ANKH: variants seen among roughly 807,000 people sequenced by gnomAD.
The protein encoded by ANKH is ANKH inorganic pyrophosphate transport regulator.
Under a neutral mutation model 49.0 loss-of-function variants are expected in ANKH, and 15 were observed. That is an observed-to-expected ratio of 0.31 (90% CI 0.20 to 0.47). ANKH has a LOEUF of 0.47. ANKH is among the 20% of genes least tolerant of loss of function. The pLI is 1.00. For synonymous variants in ANKH, 273 were observed against 260.0 expected, an observed-to-expected ratio of 1.05 and a Z score of -0.48; for missense variants, 429 against 652.0, an observed-to-expected ratio of 0.66 and a Z score of 3.72.
chr5:14,774,687 A>T (rs537987340), intron 1 of ANKH, among the ~76,000 whole-genome samples: 1 of 152,104 alleles, frequency 6.6e-6, no homozygotes, highest in East Asian at 1.9e-4. Flanking sequence ...TCTTCATTGC[A>T]TGTTCACTTC....
intron 1 of ANKH, among the ~76,000 whole-genome samples, chr5:14,842,802 C>G (rs1396563686): frequency 6.6e-6 from 1 of 152,154 alleles, no homozygotes; most frequent in Non-Finnish European, 1.5e-5. Flanking sequence ...ACGAGCCATG[C>G]AGGAGCAATC....
chr5:14,710,912 CCGTGAGGCAGCTGTGTCTTTTGGGTTTT>C lies in ANKH; in HGVS notation c.*257_*284del, dbSNP rs1280690757. ...CCAGGGGAGGAGGACACAACGTCAA[CCGTGAGGCAGCTGTGTCTTTTGGGTTTT>C]CGTGAGGCAGGGGTATGAAGTCAGT... On this transcript the variant is annotated 3_prime_UTR_variant, in exon 12 of 12. Transcript: ENST00000284268. 13 of 417,180 alleles carry C rather than the reference CCGTGAGGCAGCTGTGTCTTTTGGGTTTT, an allele frequency of 3.1e-5. No homozygotes were observed. Among genetic ancestry groups the C allele is most frequent in the African/African-American group, 2.0e-4 (10 of 48,828 alleles). The allele number at this position is 417,180 out of a possible 1,614,324, so 25.8% of individuals were successfully genotyped here.
rs1185826200 is a variant in ANKH, at chr5:14,775,442, G to GTC, written c.97-6253_97-6252dup. ...CTGTAATAAAAGTTATGTCAATGTG[G>GTC]TCTCTCTCTCAAAATACTGCACAAT... On this transcript the variant is annotated intron_variant, in intron 1 of 11. Transcript: ENST00000284268. Among the ~76,000 whole-genome samples the GTC allele has an allele frequency of 3.3e-5, 5 of 152,066 alleles. No individual in the cohort carries two copies. The East Asian group carries it at 9.6e-4, about 29-fold the overall frequency.
At chr5:14,814,230 A>G (rs551896255) in intron 1 of ANKH, among the ~76,000 whole-genome samples, 19 of 152,342 alleles carry the variant, frequency 1.2e-4, no homozygotes, top group African/African-American at 4.1e-4. Flanking sequence ...TCTCCTCCAC[A>G]TAAACAACGT....
chr5:14,816,660 C>G (rs775191820), intron 1 of ANKH, among the ~76,000 whole-genome samples: 1 of 152,128 alleles, frequency 6.6e-6, no homozygotes, highest in Non-Finnish European at 1.5e-5. Flanking sequence ...GGGTTTCAGT[C>G]GACTTTCTTG....
rs755256665 is a variant in ANKH, at chr5:14,713,690, C to T, written c.1142-23G>A. ...TGACTGTTGGGAGGAGCAAAGGACT[C>T]GTCAGCCGTGCCCGCCATCCACTCC... On this transcript the variant is annotated intron_variant, in intron 9 of 11. Transcript: ENST00000284268. The surrounding 1 kb of genome is among the most constrained non-coding windows in gnomAD (Gnocchi z 4.4). 1.8e-5 allele frequency: 29 copies of T among 1,612,692 alleles called. No individual in the cohort carries two copies. The highest frequency in any genetic ancestry group is 1.2e-4 in the Admixed American group (7 of 59,994).
intron 9 of ANKH, among the ~76,000 whole-genome samples, chr5:14,716,365 T>C (rs868834621): frequency 1.3e-5 from 2 of 152,052 alleles, no homozygotes; most frequent in African/African-American, 4.8e-5. Flanking sequence ...TGGTGGTGGG[T>C]GCCTGTAGTC....
At chr5:14,712,575 C>G (rs1414631123) in intron 11 of ANKH, among the ~76,000 whole-genome samples, 3 of 152,244 alleles carry the variant, frequency 2.0e-5, no homozygotes, top group Non-Finnish European at 4.4e-5. Context: ...CCAAAGCAAG[C>G]CATAGGCTGA....
chr5:14,764,434 A>C lies in ANKH; in HGVS notation c.313+4541T>G, dbSNP rs114395118. 8.1e-3 allele frequency among the ~76,000 whole-genome samples: 1,239 copies of C among 152,324 alleles called. 22 individuals carry two copies. Among genetic ancestry groups the C allele is most frequent in the African/African-American group, 0.029 (1,187 of 41,580 alleles). On this transcript the variant is annotated intron_variant, in intron 2 of 11. Transcript: ENST00000284268. ...TGGAGGAGAGTTCAGCTGTCCCAAC[A>C]GAGGCCATCTAGGCTGGCCAGATGT...
chr5:14,853,134 G>A (rs1387099856), intron 1 of ANKH, among the ~76,000 whole-genome samples: 1 of 152,088 alleles, frequency 6.6e-6, no homozygotes, highest in Non-Finnish European at 1.5e-5. Flanking sequence ...GCCTTACAAT[G>A]CAATTAAACC....
At position 14,828,912 on chromosome 5, in the gene ANKH, T is replaced by C. The variant is rs1741424201; in HGVS notation, c.96+42440A>G. On this transcript the variant is annotated intron_variant, in intron 1 of 11. Coordinates refer to ENST00000284268, the MANE Select transcript of ANKH (RefSeq NM_054027.6). ...TCAGAAGAAGCAATTTCTGGCTGGCTGCAGTGGCTCACGCCTGTAATCCCA... is the reference window on the plus strand; with the variant it reads ...TCAGAAGAAGCAATTTCTGGCTGGCCGCAGTGGCTCACGCCTGTAATCCCA... Among the ~76,000 whole-genome samples, 5 of 152,218 alleles carry C rather than the reference T, an allele frequency of 3.3e-5. No homozygotes were observed. In the South Asian group the frequency reaches 1.0e-3, roughly 32 times the overall value.
intron 8 of ANKH, among the ~76,000 whole-genome samples, chr5:14,739,433 A>G (rs1580019842): frequency 6.6e-6 from 1 of 152,308 alleles, no homozygotes; most frequent in East Asian, 1.9e-4. Context: ...GAAAAAAAAG[A>G]GAAAAATCTC....
chr5:14,769,179 C>T lies in ANKH; in HGVS notation c.109G>A (p.Gly37Ser), dbSNP rs1739347672. 6.2e-7 allele frequency: 1 copy of T among 1,613,540 alleles called. No individual in the cohort carries two copies. The highest frequency in any genetic ancestry group is 8.5e-7 in the Non-Finnish European group (1 of 1,179,836). The change falls in exon 2 of 12, where the codon GGC becomes AGC. Residue 37 changes from glycine to serine, a missense_variant. By Grantham distance (56) the Gly-to-Ser change is moderately conservative (BLOSUM62 0). Transcript: ENST00000284268. ...IDFGEQALNR[G>S]IAAVKEDAVE... ...GCATCCTCCTTGACAGCAGCAATGC[C>T]CCGGTTCAAGGCCTGGGAAGGGGGA...
At chr5:14,760,006 G>A (rs1443325910) in intron 2 of ANKH, among the ~76,000 whole-genome samples, 1 of 152,154 alleles carries the variant, frequency 6.6e-6, no homozygotes, top group East Asian at 1.9e-4. Flanking sequence ...GTGGTTTCAA[G>A]GTGTGGGAAG....
chr5:14,797,536 G>C (rs917793656), intron 1 of ANKH: 5 of 1,611,008 alleles, frequency 3.1e-6, no homozygotes, highest in Non-Finnish European at 3.4e-6. Context: ...CCTGTGGCAA[G>C]AATGAACTCA....
intron 1 of ANKH, among the ~76,000 whole-genome samples, chr5:14,824,273 A>G (rs577612626): frequency 6.6e-6 from 1 of 152,324 alleles, no homozygotes; most frequent in South Asian, 2.1e-4. Flanking sequence ...AAGCAGATCT[A>G]GCCTAGAAAT....
At chr5:14,816,057 G>A (rs969678301) in intron 1 of ANKH, among the ~76,000 whole-genome samples, 10 of 152,330 alleles carry the variant, frequency 6.6e-5, no homozygotes, top group Admixed American at 6.5e-4. Context: ...ACTAAGCACT[G>A]GGGATAAGCT....
intron 1 of ANKH, chr5:14,797,739 G>A (rs372513840): frequency 6.2e-7 from 1 of 1,610,120 alleles, no homozygotes. Context: ...TGTAAAGATG[G>A]TCTTCGCATC....
At chr5:14,789,693 T>C (rs754508598) in intron 1 of ANKH, among the ~76,000 whole-genome samples, 11 of 152,186 alleles carry the variant, frequency 7.2e-5, no homozygotes, top group Non-Finnish European at 1.5e-4. Flanking sequence ...ATGATAATTT[T>C]GGACTTTGAG....
Sources: gnomAD v4.1 joint callset for allele counts (sites outside exome capture counted in the v4.1 genomes callset) on GRCh38, gnomAD v4.1.1 for gene constraint, Gnocchi (gnomAD v3.1) non-coding constraint, MANE v1.5 for transcripts, NCBI Gene and HGNC (gene_info 2026-07-23, HGNC 2026-07-21) for gene names.